The following COPZ1 variants were observed in gnomAD, a reference collection of about 807,000 sequenced individuals.
COPZ1 encodes the protein coatomer subunit zeta-1.
Under a neutral mutation model 31.7 loss-of-function variants are expected in COPZ1, and 4 were observed. That is an observed-to-expected ratio of 0.13 (90% CI 0.06 to 0.29). The LOEUF (loss-of-function observed/expected upper bound fraction) is 0.29. COPZ1 is among the 10% of genes least tolerant of loss of function. COPZ1 has a pLI of 1.00. For missense variants in COPZ1, 156 were observed against 211.5 expected (o/e 0.74, Z 1.63); for synonymous variants, 74 against 79.0 (o/e 0.94, Z 0.33).
Position 54,343,312 on chromosome 12 carries a change from A to G in COPZ1, c.257A>G (p.Asn86Ser). The G allele has an allele frequency of 1.2e-6, 2 of 1,611,092 alleles. No individual in the cohort carries two copies. Among genetic ancestry groups the G allele is most frequent in the Non-Finnish European group, 1.7e-6 (2 of 1,177,278 alleles). Residue 86 changes from asparagine (N) to serine (S), a missense_variant, in exon 4 of 9, where the codon AAT (asparagine) becomes AGT (serine). Physicochemically the swap from Asn to Ser is conservative, Grantham distance 46. Coordinates refer to ENST00000262061, the MANE Select transcript of COPZ1 (RefSeq NM_016057.3). ...YFYVIGSSYE[N>S]ELMLMAVLNC... is the part of the protein sequence containing the mutation. The stretch of plus-strand genomic sequence containing the variant: ...TATGTGATTGGCAGCTCCTATGAAA[A>G]TGAGGTGAGAATCCCCACCCCTCTT...
At chr12:54,343,109 G>A (rs1219042759) in intron 3 of COPZ1, 116 bp from the exon 4 acceptor site, 6 of 797,272 alleles carry the variant, frequency 7.5e-6, no homozygotes, top group African/African-American at 1.7e-5. Flanking sequence ...CGCCAGGCTC[G>A]GCTTCCCAAG....
At chr12:54,325,318 AGT>A (rs1183326974) in intron 1 of COPZ1, 137 bp downstream of exon 1, 31 of 1,159,676 alleles carry the variant, frequency 2.7e-5, no homozygotes, top group Non-Finnish European at 3.6e-5. Context: ...CTTTGGAATA[AGT>A]GTGTGGCCTA....
intron 1 of COPZ1, among the ~76,000 whole-genome samples, chr12:54,335,182 A>C (rs936113365): frequency 2.4e-5 from 2 of 83,852 alleles, no homozygotes; most frequent in Non-Finnish European, 5.1e-5. Flanking sequence ...AAACTCTGTC[A>C]AAAAAAAAAA....
chr12:54,345,912 G>A (rs11170878), intron 5 of COPZ1, among the ~76,000 whole-genome samples: 3 of 150,436 alleles, frequency 2.0e-5, no homozygotes, highest in South Asian at 4.2e-4. Context: ...AGCCGAGATC[G>A]CGCCACTGCA....
chr12:54,340,191 A>G (rs534548387), intron 1 of COPZ1, among the ~76,000 whole-genome samples: 1 of 152,254 alleles, frequency 6.6e-6, no homozygotes, highest in East Asian at 1.9e-4. Context: ...GTCACATTCT[A>G]TAGCCACCTG....
chr12:54,347,694 C>T, intron 5 of COPZ1, 73 bp from the exon 6 acceptor site: 4 of 1,375,668 alleles, frequency 2.9e-6, no homozygotes, highest in Non-Finnish European at 4.1e-6. Context: ...TTAGGTTCCT[C>T]AATTGAGACA....
At chr12:54,331,412 C>T (rs749545179) in intron 1 of COPZ1, among the ~76,000 whole-genome samples, 6 of 152,116 alleles carry the variant, frequency 3.9e-5, no homozygotes, top group Non-Finnish European at 7.4e-5. Flanking sequence ...AACTCCTGAC[C>T]TTGTGATCCA....
intron 8 of COPZ1, 102 bp downstream of exon 8, chr12:54,349,760 A>G: frequency 1.0e-6 from 1 of 967,734 alleles, no homozygotes. Flanking sequence ...CTAGAGACTC[A>G]AGACACATCT....
At chr12:54,327,474 A>G (rs1953676223) in intron 1 of COPZ1, among the ~76,000 whole-genome samples, 1 of 150,516 alleles carries the variant, frequency 6.6e-6, no homozygotes, top group African/African-American at 2.4e-5. Context: ...ACTTTTTTGT[A>G]TTTTAGTAGA....
chr12:54,349,870 T>C (rs1441223567), intron 8 of COPZ1: 2 of 639,748 alleles, frequency 3.1e-6, no homozygotes, highest in African/African-American at 1.8e-5. Context: ...GAGCAGTGGC[T>C]GTCAGCCTTG....
At chr12:54,338,318 G>T (rs1189725652) in intron 1 of COPZ1, among the ~76,000 whole-genome samples, 1 of 152,194 alleles carries the variant, frequency 6.6e-6, no homozygotes, top group Non-Finnish European at 1.5e-5. Context: ...GAGGACCCAA[G>T]TTGTTATAGA....
intron 1 of COPZ1, among the ~76,000 whole-genome samples, chr12:54,329,040 G>A (rs1001987465): frequency 6.6e-6 from 1 of 152,134 alleles, no homozygotes; most frequent in Non-Finnish European, 1.5e-5. Context: ...CTTTCAAGCA[G>A]ATTTGTCTAA....
chr12:54,343,220 A>C lies in COPZ1; in HGVS notation c.170-5A>C, dbSNP rs750272146. On this transcript the variant is annotated splice_polypyrimidine_tract_variant and splice_region_variant and intron_variant, in intron 3 of 8. Coordinates refer to ENST00000262061, the MANE Select transcript of COPZ1 (RefSeq NM_016057.3). ...CCACTATTTTTACTTTTTTTCCCCC[A>C]CCAGGTGAAATTGCCCTCTTGGAAG... 6.2e-7 allele frequency: 1 copy of C among 1,611,576 alleles called. No homozygotes were observed. Among genetic ancestry groups the C allele is most frequent in the South Asian group, 1.1e-5 (1 of 91,018 alleles).
intron 1 of COPZ1, among the ~76,000 whole-genome samples, chr12:54,335,905 C>A (rs1362780816): frequency 2.0e-5 from 3 of 152,050 alleles, no homozygotes; most frequent in Non-Finnish European, 4.4e-5. Context: ...GTCTTGAACT[C>A]CTGGCTCTAG....
chr12:54,350,655 G>T lies in COPZ1; in HGVS notation c.*132G>T. 1 of 773,072 alleles carries T rather than the reference G, an allele frequency of 1.3e-6. No homozygotes were observed. Among genetic ancestry groups the T allele is most frequent in the Non-Finnish European group, 2.3e-6 (1 of 437,282 alleles). The allele number at this position is 773,072 out of a possible 1,614,324, so 47.9% of individuals were successfully genotyped here. ...ACAGGGATCCTTAAATCTCCATTCT[G>T]TTTGTGGTTGCCCCCTCAACCTCCC... is the stretch of plus-strand genomic sequence containing the variant. On this transcript the variant is annotated 3_prime_UTR_variant, in exon 9 of 9. Transcript: ENST00000262061.
chr12:54,340,222 G>A (rs921754360), intron 1 of COPZ1: 2 of 388,390 alleles, frequency 5.1e-6, no homozygotes, highest in African/African-American at 4.1e-5. Context: ...AGCAGGAAGG[G>A]AGAGGGTAAT....
chr12:54,335,606 A>T (rs1475651599), intron 1 of COPZ1, among the ~76,000 whole-genome samples: 1 of 151,526 alleles, frequency 6.6e-6, no homozygotes, highest in Non-Finnish European at 1.5e-5. Flanking sequence ...ACAGGGTTTC[A>T]CCATGTTGGC....
chr12:54,347,935 G>A, intron 6 of COPZ1, 65 bp from the exon 7 acceptor site: 1 of 1,605,202 alleles, frequency 6.2e-7, no homozygotes, highest in Non-Finnish European at 8.5e-7. Flanking sequence ...CAGAGGTCCT[G>A]TTCCCCGACA....
chr12:54,326,189 G>T (rs1372070728), intron 1 of COPZ1, among the ~76,000 whole-genome samples: 3 of 141,326 alleles, frequency 2.1e-5, no homozygotes, highest in South Asian at 4.6e-4. Context: ...GCCCAGGCTG[G>T]AGTGCAGTGG....
Sources: allele counts gnomAD v4.1 joint callset (sites outside exome capture counted in the v4.1 genomes callset), GRCh38; gene constraint gnomAD v4.1.1; transcripts MANE v1.5; gene names NCBI Gene and HGNC (gene_info 2026-07-23, HGNC 2026-07-21).